The following FGF13 variants were observed in gnomAD, a reference collection of about 807,000 sequenced individuals.
FGF13 encodes the protein fibroblast growth factor homologous factor 2.
Under a neutral mutation model 19.5 loss-of-function variants are expected in FGF13, and 2 were observed. That is an observed-to-expected ratio of 0.10 (90% confidence interval 0.04 to 0.32). FGF13 has a LOEUF of 0.32. FGF13 is among the 10% of genes least tolerant of loss of function. The pLI, the probability that FGF13 is intolerant of heterozygous loss-of-function variation, is 1.00. For synonymous variants in FGF13, 72 were observed against 76.9 expected, an observed-to-expected ratio of 0.94 and a Z score of 0.33; for missense variants, 113 against 192.7, an observed-to-expected ratio of 0.59 and a Z score of 2.45.
intron 3 of FGF13, among the ~76,000 whole-genome samples, chrX:138,759,907 C>T (rs1445708743): frequency 9.0e-6 from 1 of 111,462 alleles, no homozygotes; most frequent in Non-Finnish European, 1.9e-5. Flanking sequence ...TATATTTCAC[C>T]TCTTCTCTAT....
intron 1 of FGF13, among the ~76,000 whole-genome samples, chrX:139,158,643 G>A (rs1664071702): frequency 9.0e-6 from 1 of 111,275 alleles, no homozygotes; most frequent in South Asian, 3.8e-4. Context: ...TGACCTGATG[G>A]AGGTGAAAAA....
At chrX:138,959,160 G>A (rs754888454) in intron 1 of FGF13, among the ~76,000 whole-genome samples, 1 of 111,643 alleles carries the variant, frequency 9.0e-6, no homozygotes, top group Non-Finnish European at 1.9e-5. Flanking sequence ...TGGGCATTTA[G>A]TGCTCTAAAT....
In FGF13 at chrX:138,972,063, T is replaced by TGTGTGTGC. The variant is rs2091919474; in HGVS notation, c.-112-107414_-112-107413insGCACACAC. ...TGGCTCACTAGTATTCTATTGTGTG[T>TGTGTGTGC]GTGTGTGTGTGTGTGTATATCACAT... On this transcript the variant is annotated intron_variant, in intron 1 of 2. Transcript: ENST00000421460. Among the ~76,000 whole-genome samples, 9 of 108,748 alleles carry TGTGTGTGC rather than the reference T, an allele frequency of 8.3e-5. 2 individuals carry two copies. In the South Asian group the frequency reaches 3.6e-3, roughly 43 times the overall value. The allele number at this position is 108,748 out of a possible 115,157, so 94.4% of individuals were successfully genotyped here.
intron 1 of FGF13, among the ~76,000 whole-genome samples, chrX:139,145,366 T>C (rs1020831476): frequency 8.9e-6 from 1 of 111,851 alleles, no homozygotes; most frequent in African/African-American, 3.3e-5. Flanking sequence ...ACCTTGATTG[T>C]GGTGATGGTT....
intron 3 of FGF13, among the ~76,000 whole-genome samples, chrX:138,768,712 T>TCATACATACATACATAC (rs1459530092): frequency 3.0e-5 from 3 of 100,274 alleles, no homozygotes; most frequent in African/African-American, 1.2e-4. Context: ...TATATATATA[T>TCATACATACATACATAC]ATATAAGTAT....
At chrX:139,054,258 G>A (rs1358411495) in intron 1 of FGF13, among the ~76,000 whole-genome samples, 2 of 107,343 alleles carry the variant, frequency 1.9e-5, no homozygotes, top group African/African-American at 3.4e-5. Context: ...GAGTAGCTGG[G>A]ACTACAGGCA....
intron 1 of FGF13, among the ~76,000 whole-genome samples, chrX:139,017,528 T>C (rs1170471514): frequency 9.0e-6 from 1 of 111,014 alleles, no homozygotes; most frequent in African/African-American, 3.3e-5. Flanking sequence ...GACTGCTGTG[T>C]GCCAAGTACT....
In FGF13 at chrX:138,708,418, T is replaced by C. The variant is rs778479352; in HGVS notation, c.298+400A>G. 8.0e-5 allele frequency among the ~76,000 whole-genome samples: 9 copies of C among 112,073 alleles called. No individual in the cohort carries two copies. In the East Asian group the frequency reaches 2.5e-3, roughly 32 times the overall value. ...GAGCAGAAGTGAAAGCTTGTAATGA[T>C]GAATTTTCATGGTATGAAACCACTC... On this transcript the variant is annotated intron_variant, in intron 2 of 4. Transcript: ENST00000315930.
chrX:138,637,846 G>C (rs2089201137), intron 3 of FGF13, among the ~76,000 whole-genome samples: 1 of 111,516 alleles, frequency 9.0e-6, no homozygotes, highest in South Asian at 3.8e-4. Flanking sequence ...TCACAGAGAG[G>C]GTATCATTTT....
At chrX:138,675,843 C>T (rs756226581) in intron 3 of FGF13, among the ~76,000 whole-genome samples, 4 of 110,858 alleles carry the variant, frequency 3.6e-5, no homozygotes, top group African/African-American at 6.6e-5. Flanking sequence ...AACTTGCATA[C>T]GGGCATAAAC....
intron 3 of FGF13, among the ~76,000 whole-genome samples, chrX:138,802,889 C>A (rs761146480): frequency 2.7e-4 from 30 of 111,724 alleles, no homozygotes; most frequent in African/African-American, 9.4e-4. Context: ...GTTTTTTCAG[C>A]ACCTCAGACT....
At chrX:139,046,236 G>A (rs144735020) in intron 1 of FGF13, among the ~76,000 whole-genome samples, 2 of 110,681 alleles carry the variant, frequency 1.8e-5, no homozygotes, top group Non-Finnish European at 3.8e-5. Flanking sequence ...GAGTGGGGTC[G>A]GAGGTGCCAC....
chrX:138,799,404 A>G (rs1485129331), intron 3 of FGF13, among the ~76,000 whole-genome samples: 1 of 111,780 alleles, frequency 8.9e-6, no homozygotes, highest in Non-Finnish European at 1.9e-5. Context: ...TTCTAATTTG[A>G]TTGCACTGTG....
chrX:139,116,554 AAAAGC>A (rs1174793560), intron 1 of FGF13, among the ~76,000 whole-genome samples: 1 of 111,706 alleles, frequency 9.0e-6, no homozygotes, highest in African/African-American at 3.3e-5. Flanking sequence ...TTAATATGAA[AAAAGC>A]AAATATCCCT....
intron 1 of FGF13, among the ~76,000 whole-genome samples, chrX:138,981,890 G>A (rs2091965317): frequency 9.0e-6 from 1 of 111,073 alleles, no homozygotes; most frequent in Non-Finnish European, 1.9e-5. Flanking sequence ...CCCAGAATCA[G>A]TCACCAGTTG....
intron 1 of FGF13, among the ~76,000 whole-genome samples, chrX:138,963,484 C>T (rs763259289): frequency 8.9e-6 from 1 of 112,552 alleles, no homozygotes; most frequent in African/African-American, 3.2e-5. Context: ...GCAACACATG[C>T]CCCACATAAA....
chrX:139,175,217 G>A (rs1038191275), intron 1 of FGF13, among the ~76,000 whole-genome samples: 2 of 111,536 alleles, frequency 1.8e-5, no homozygotes, highest in African/African-American at 3.3e-5. Context: ...TGGTGTATAG[G>A]AATGCTTGTG....
chrX:138,888,701 A>G (rs1168606013), intron 1 of FGF13, among the ~76,000 whole-genome samples: 5 of 92,725 alleles, frequency 5.4e-5, no homozygotes, highest in Non-Finnish European at 9.7e-5. Context: ...AAGAAAAAGA[A>G]AAAAAAAAAA....
intron 1 of FGF13, among the ~76,000 whole-genome samples, chrX:139,193,737 T>C (rs191318239): frequency 1.5e-3 from 173 of 111,749 alleles, no homozygotes; most frequent in Non-Finnish European, 2.5e-3. Context: ...TTCATTAGTA[T>C]TATTTTTATT....
Sources: allele counts gnomAD v4.1 joint callset (sites outside exome capture counted in the v4.1 genomes callset), GRCh38; gene constraint gnomAD v4.1.1; transcripts MANE v1.5; gene names NCBI Gene and HGNC (gene_info 2026-07-23, HGNC 2026-07-21).